Variants in CLPTM1 observed in about 807,000 individuals in gnomAD.
CLPTM1 encodes the protein putative lipid scramblase CLPTM1.
A neutral mutation model predicts 77.3 loss-of-function variants in CLPTM1; 21 were observed. That is an observed-to-expected ratio of 0.27 (90% CI 0.19 to 0.39). The LOEUF is 0.39. Ranked by LOEUF, CLPTM1 falls within the 10% of genes least tolerant of loss-of-function variation. CLPTM1 has a pLI of 1.00. For missense variants in CLPTM1, 642 were observed against 921.2 expected (o/e 0.70, Z 3.92); for synonymous variants, 373 against 381.0 (o/e 0.98, Z 0.24).
intron 5 of CLPTM1, among the ~76,000 whole-genome samples, chr19:44,983,604 C>T (rs534272645): frequency 5.8e-5 from 6 of 102,950 alleles, no homozygotes; most frequent in South Asian, 3.5e-4. Context: ...GATGACAGAG[C>T]GAGACTCTGT....
In CLPTM1 at chr19:44,987,281, C is replaced by G. The variant is rs1970994133; in HGVS notation, c.896C>G (p.Ala299Gly). 6.2e-7 allele frequency: 1 copy of G among 1,614,286 alleles called. No homozygotes were observed. The highest frequency in any genetic ancestry group is 1.3e-5 in the African/African-American group (1 of 75,084). Residue 299 changes from alanine to glycine, a missense_variant, in exon 8 of 14, where the codon GCC becomes GGC. Coordinates refer to ENST00000337392, the MANE Select transcript of CLPTM1 (RefSeq NM_001294.4). ...TACTACCCCATCAACGAGAGCCTGGCCAGCCTGCCGCTCCGCGTCTCCTTC... is the reference window on the plus strand; with the variant it reads ...TACTACCCCATCAACGAGAGCCTGGGCAGCCTGCCGCTCCGCGTCTCCTTC... ...KDYYPINESL[A>G]SLPLRVSFCP... is the part of the protein sequence containing the mutation.
At chr19:44,976,696 GAGA>G (rs1409202473) in intron 4 of CLPTM1, among the ~76,000 whole-genome samples, 1 of 152,130 alleles carries the variant, frequency 6.6e-6, no homozygotes, top group African/African-American at 2.4e-5. Context: ...GAGACTTGAT[GAGA>G]TAATGAGGAA....
At chr19:44,957,581 T>C (rs901845156) in intron 1 of CLPTM1, among the ~76,000 whole-genome samples, 1 of 152,226 alleles carries the variant, frequency 6.6e-6, no homozygotes, top group African/African-American at 2.4e-5. Context: ...GCCCTGGTGG[T>C]CTCAGCTACT....
chr19:44,969,100 A>G (rs1425723827), intron 2 of CLPTM1, among the ~76,000 whole-genome samples: 1 of 152,212 alleles, frequency 6.6e-6, no homozygotes, highest in East Asian at 1.9e-4. Context: ...CTATGATTAA[A>G]ATAACAGTAA....
chr19:44,976,359 C>T (rs1246226689), intron 4 of CLPTM1, among the ~76,000 whole-genome samples: 1 of 152,236 alleles, frequency 6.6e-6, no homozygotes, highest in Non-Finnish European at 1.5e-5. Flanking sequence ...GTGGCATGTG[C>T]CTGTAGGCAC....
intron 9 of CLPTM1, among the ~76,000 whole-genome samples, chr19:44,989,111 A>G (rs574322847): frequency 4.4e-4 from 67 of 152,306 alleles, no homozygotes; most frequent in African/African-American, 1.4e-3. Flanking sequence ...GGCTGCCGTG[A>G]GCCATGATCA....
At chr19:44,988,869 A>G (rs2122331640) in intron 9 of CLPTM1, among the ~76,000 whole-genome samples, 1 of 152,336 alleles carries the variant, frequency 6.6e-6, no homozygotes, top group African/African-American at 2.4e-5. Context: ...AGGAATGAGT[A>G]GTAGTATTCC....
chr19:44,955,584 A>T, intron 1 of CLPTM1, 117 bp downstream of exon 1: 2 of 1,003,330 alleles, frequency 2.0e-6, no homozygotes, highest in Non-Finnish European at 2.6e-6. Flanking sequence ...GGCCAGAGGG[A>T]CCTTGAATAC....
chr19:44,957,181 G>A (rs932256291), intron 1 of CLPTM1, among the ~76,000 whole-genome samples: 2 of 152,204 alleles, frequency 1.3e-5, no homozygotes, highest in East Asian at 3.9e-4. Flanking sequence ...CTCTTTTATT[G>A]CCTCTCAGTC....
Position 44,991,021 on chromosome 19 carries a change from A to C in CLPTM1, c.1419+76A>C. 7.4e-7 allele frequency: 1 copy of C among 1,357,364 alleles called. No homozygotes were observed. The highest frequency in any genetic ancestry group is 1.4e-5 in the African/African-American group (1 of 69,538). The allele number at this position is 1,357,364 out of a possible 1,614,324, so 84.1% of individuals were successfully genotyped here. On this transcript the variant is annotated intron_variant, in intron 11 of 13. Coordinates refer to ENST00000337392, the MANE Select transcript of CLPTM1 (RefSeq NM_001294.4). This position sits in a 1 kb window ranked among gnomAD's most constrained non-coding sequence, Gnocchi z 5.4. ...ATCCCTGAGGCACCCGGGGCCGGCC[A>C]TCTGTCTGCCGGACCCATGCTTTAC...
chr19:44,968,733 C>T (rs931368462), intron 2 of CLPTM1, among the ~76,000 whole-genome samples: 20 of 152,226 alleles, frequency 1.3e-4, no homozygotes, highest in African/African-American at 4.8e-4. Context: ...AGGACCCCCA[C>T]AGCCACACAC....
chr19:44,992,304 A>G lies in CLPTM1; in HGVS notation c.1627A>G (p.Met543Val). ...GTCTGTGGCCCACCTTCCCTGGCGC[A>G]TGCTCACCTACAAGGCCCTCAACAC... ...LKSVAHLPWR[M>V]LTYKALNTFI... Residue 543 changes from methionine to valine, a missense_variant, in exon 13 of 14, where the codon ATG becomes GTG. Around this residue, in one of 2 missense-constraint regions of CLPTM1, gnomAD observed 521 missense variants for 800.4 expected, o/e 0.65. Coordinates refer to ENST00000337392, the MANE Select transcript of CLPTM1 (RefSeq NM_001294.4). The surrounding 1 kb of genome is among the most constrained non-coding windows in gnomAD (Gnocchi z 7.7). The G allele has an allele frequency of 6.2e-7, 1 of 1,614,086 alleles. No individual in the cohort carries two copies. The highest frequency in any genetic ancestry group is 8.5e-7 in the Non-Finnish European group (1 of 1,179,994).
At chr19:44,967,656 C>T (rs10775543) in intron 2 of CLPTM1, among the ~76,000 whole-genome samples, 126,613 of 144,996 alleles carry the variant, frequency 0.87, 55,150 homozygotes, top group South Asian at 0.94. Context: ...AAACTCTGTC[C>T]CAAAAAAAAA....
At chr19:44,972,274 G>A (rs1970730876) in intron 2 of CLPTM1, among the ~76,000 whole-genome samples, 1 of 149,422 alleles carries the variant, frequency 6.7e-6, no homozygotes, top group Non-Finnish European at 1.5e-5. Flanking sequence ...TTGAGATGGA[G>A]TCTCGCTCTG....
At chr19:44,976,348 A>G (rs1970805713) in intron 4 of CLPTM1, among the ~76,000 whole-genome samples, 1 of 152,226 alleles carries the variant, frequency 6.6e-6, no homozygotes, top group African/African-American at 2.4e-5. Context: ...AGCTGGGCAC[A>G]GTGGCATGTG....
At chr19:44,954,725 C>T (rs750097768), upstream of CLPTM1, 14 of 1,233,872 alleles carry the variant, frequency 1.1e-5, no homozygotes, top group Non-Finnish European at 1.4e-5. Flanking sequence ...AGGGAACGCG[C>T]ATGCGTGCTA....
Position 44,974,561 on chromosome 19 carries a change from C to T in CLPTM1, c.432C>T (p.Gly144=), listed in dbSNP as rs765954237. 1.2e-6 allele frequency: 2 copies of T among 1,614,202 alleles called. No individual in the cohort carries two copies. The highest frequency in any genetic ancestry group is 2.2e-5 in the South Asian group (2 of 91,078). The change falls in exon 4 of 14, where the codon GGC becomes GGT. Residue 144 remains glycine (G), a synonymous_variant. Transcript: ENST00000337392. ...GDWTSGENSD[G]CYEHFAELDI... is the part of the protein sequence containing the mutation. The stretch of plus-strand genomic sequence containing the variant: ...GGACTAGCGGCGAGAACTCAGACGG[C>T]TGCTACGAGCACTTTGCTGAGCTCG...
chr19:44,987,823 C>T, intron 8 of CLPTM1: 1 of 578,280 alleles, frequency 1.7e-6, no homozygotes, highest in East Asian at 2.9e-5. Context: ...GCTCCTGGCT[C>T]CCAGTGTCCC....
rs1463411801 is a variant in CLPTM1, at chr19:44,992,073, C to T, written c.1556-160C>T. 6.6e-6 allele frequency among the ~76,000 whole-genome samples: 1 copy of T among 151,920 alleles called. No individual in the cohort carries two copies. The stretch of plus-strand genomic sequence containing the variant: ...GCTGTGCGGATGTGACAGAAGGCCC[C>T]ACCAGTGCAGAGGCCGCTGGTAGAG... On this transcript the variant is annotated intron_variant, in intron 12 of 13. Coordinates refer to ENST00000337392, the MANE Select transcript of CLPTM1 (RefSeq NM_001294.4). This position sits in a 1 kb window ranked among gnomAD's most constrained non-coding sequence, Gnocchi z 7.7.
Sources: gnomAD v4.1 joint callset for allele counts (sites outside exome capture counted in the v4.1 genomes callset) on GRCh38, gnomAD v4.1.1 for gene constraint, gnomAD v4.1.1 regional missense constraint, Gnocchi (gnomAD v3.1) non-coding constraint, MANE v1.5 for transcripts, NCBI Gene and HGNC (gene_info 2026-07-23, HGNC 2026-07-21) for gene names.